KCNJ6: variants seen among roughly 807,000 people sequenced by gnomAD.
KCNJ6 encodes the protein G protein-activated inward rectifier potassium channel 2.
KCNJ6 carries 9 observed loss-of-function variants against 34.2 expected under a neutral mutation model. That is an observed-to-expected ratio of 0.26 (90% CI 0.16 to 0.46). KCNJ6 has a LOEUF of 0.46. Ranked by LOEUF, KCNJ6 falls within the 20% of genes least tolerant of loss-of-function variation. KCNJ6 has a pLI of 1.00. For synonymous variants in KCNJ6, 196 were observed against 207.1 expected, an observed-to-expected ratio of 0.95 and a Z score of 0.46; for missense variants, 236 against 531.3, an observed-to-expected ratio of 0.44 and a Z score of 5.46.
intron 2 of KCNJ6, among the ~76,000 whole-genome samples, chr21:37,789,067 T>C (rs913301886): frequency 2.0e-5 from 3 of 152,228 alleles, no homozygotes; most frequent in African/African-American, 7.2e-5. Context: ...CTTCCAAGTC[T>C]TCCTTGCAGC....
At position 37,886,824 on chromosome 21, in the gene KCNJ6, A is replaced by G. The variant is rs189655271; in HGVS notation, c.-28+29060T>C. Among the ~76,000 whole-genome samples the G allele has an allele frequency of 2.7e-3, 418 of 152,156 alleles. 1 individual carries two copies. Among genetic ancestry groups the G allele is most frequent in the Non-Finnish European group, 4.9e-3 (333 of 68,014 alleles). On this transcript the variant is annotated intron_variant, in intron 1 of 3. Transcript: ENST00000609713. The stretch of plus-strand genomic sequence containing the variant: ...AGGGCTGGAATCGTGACTTTCAGGT[A>G]TCTTTTCCCCAGCCCCTAGCAGTTT...
At chr21:37,797,539 C>T (rs944003243) in intron 2 of KCNJ6, among the ~76,000 whole-genome samples, 1 of 152,084 alleles carries the variant, frequency 6.6e-6, no homozygotes, top group East Asian at 1.9e-4. Flanking sequence ...ATTATAACAC[C>T]AATGAAAACA....
rs772060420 is a variant in KCNJ6 at position 37,863,846 on chromosome 21, G to GTT, written c.-27-23139_-27-23138dup. On this transcript the variant is annotated intron_variant, in intron 1 of 3. Transcript: ENST00000609713. ...CTTTAAGCAATTTTAAAATATAAAG[G>GTT]TTTTTTTTTTTTTGTTTTTTTTTTT... Among the ~76,000 whole-genome samples the GTT allele has an allele frequency of 8.7e-3, 838 of 96,842 alleles. 111 individuals are homozygous for GTT. The highest frequency in any genetic ancestry group is 0.012 in the African/African-American group (284 of 23,046). The allele number at this position is 96,842 out of a possible 152,430, so 63.5% of individuals were successfully genotyped here.
At chr21:37,857,044 G>A (rs542550307) in intron 1 of KCNJ6, among the ~76,000 whole-genome samples, 52 of 152,252 alleles carry the variant, frequency 3.4e-4, no homozygotes, top group Admixed American at 1.6e-3. Context: ...AAATCTCTGC[G>A]GATAAAAGTA....
chr21:37,679,133 C>G (rs145565399), intron 3 of KCNJ6, among the ~76,000 whole-genome samples: 1 of 152,208 alleles, frequency 6.6e-6, no homozygotes, highest in South Asian at 2.1e-4. Context: ...CTCCTGTCAA[C>G]AGCCATATTA....
chr21:37,809,388 G>C (rs188587432), intron 2 of KCNJ6, among the ~76,000 whole-genome samples: 3 of 151,780 alleles, frequency 2.0e-5, no homozygotes, highest in Non-Finnish European at 2.9e-5. Context: ...GGTGGGGAGA[G>C]GGGGGAGGGA....
chr21:37,815,099 GCTTACCAGA>G (rs2055340532), intron 2 of KCNJ6, among the ~76,000 whole-genome samples: 1 of 152,042 alleles, frequency 6.6e-6, no homozygotes. Flanking sequence ...AGAGTAGGAT[GCTTACCAGA>G]GACTGGGGAG....
chr21:37,846,037 A>G (rs1387091076), intron 1 of KCNJ6, among the ~76,000 whole-genome samples: 11 of 152,140 alleles, frequency 7.2e-5, no homozygotes, highest in Admixed American at 7.2e-4. Flanking sequence ...AAAAAAAACA[A>G]CGTTAAGTGT....
Position 37,617,031 on chromosome 21 carries a change from T to C in KCNJ6, c.*8128A>G. Reference sequence around the variant, plus strand: ...TTTTCTCTTTCTTTCTTTCTTTCTTTCTTTCTTTCTTTCTTTCTTTCTTTT... The same window carrying C: ...TTTTCTCTTTCTTTCTTTCTTTCTTCCTTTCTTTCTTTCTTTCTTTCTTTT... On this transcript the variant is annotated 3_prime_UTR_variant, in exon 4 of 4. Coordinates refer to ENST00000609713, the MANE Select transcript of KCNJ6 (RefSeq NM_002240.5). 7.4e-5 allele frequency: 1 copy of C among 13,536 alleles called. No individual in the cohort carries two copies. Among genetic ancestry groups the C allele is most frequent in the South Asian group, 4.2e-3 (1 of 240 alleles). The allele number at this position is 13,536 out of a possible 1,614,324, so 0.8% of individuals were successfully genotyped here.
intron 2 of KCNJ6, among the ~76,000 whole-genome samples, chr21:37,837,015 A>C (rs774951506): frequency 4.0e-5 from 6 of 149,050 alleles, no homozygotes; most frequent in Non-Finnish European, 7.5e-5. Flanking sequence ...ATCTCTCCCT[A>C]CCTCCTCTCC....
rs370515131 is a variant in KCNJ6 at position 37,608,453 on chromosome 21, T to G, written c.*16706A>C. The G allele has an allele frequency of 3.8e-4, 58 of 152,336 alleles. No homozygotes were observed. Among genetic ancestry groups the G allele is most frequent in the African/African-American group, 1.2e-3 (51 of 41,586 alleles). The allele number at this position is 152,336 out of a possible 1,614,324, so 9.4% of individuals were successfully genotyped here. ...AATTACAGGCATGAACCATTGTGCT[T>G]GCCTGCCCTTGGATCTCTGTCTCCA... On this transcript the variant is annotated 3_prime_UTR_variant, in exon 4 of 4. Coordinates refer to ENST00000609713, the MANE Select transcript of KCNJ6 (RefSeq NM_002240.5).
chr21:37,693,174 G>A (rs1046532856), intron 3 of KCNJ6, among the ~76,000 whole-genome samples: 1 of 152,116 alleles, frequency 6.6e-6, no homozygotes, highest in African/African-American at 2.4e-5. Context: ...TTAATTTTTC[G>A]AGATAGATGG....
chr21:37,790,644 T>C (rs2055212461), intron 2 of KCNJ6, among the ~76,000 whole-genome samples: 2 of 152,154 alleles, frequency 1.3e-5, no homozygotes, highest in Non-Finnish European at 2.9e-5. Flanking sequence ...AACCAATCGA[T>C]TTAGAACCAG....
rs1437912975 is a variant in KCNJ6, at chr21:37,617,065, TTCTTTTCTTTTC to T, written c.*8082_*8093del. On this transcript the variant is annotated 3_prime_UTR_variant, in exon 4 of 4. Transcript: ENST00000609713. ...CTTTCTTTCTTTCTTTTCTTTTCTT[TTCTTTTCTTTTC>T]TTTCTTTTTCTTTCTTTCTTTTCTT... 1 of 125,398 alleles carries T rather than the reference TTCTTTTCTTTTC, an allele frequency of 8.0e-6. No homozygotes were observed. Among genetic ancestry groups the T allele is most frequent in the Non-Finnish European group, 1.8e-5 (1 of 54,810 alleles). The allele number at this position is 125,398 out of a possible 1,614,324, so 7.8% of individuals were successfully genotyped here.
In KCNJ6 at chr21:37,634,993, G is replaced by A. The variant is rs576981552; in HGVS notation, c.947-9509C>T. Among the ~76,000 whole-genome samples the A allele has an allele frequency of 1.7e-3, 263 of 152,158 alleles. 1 individual carries two copies. Among genetic ancestry groups the A allele is most frequent in the African/African-American group, 6.1e-3 (255 of 41,516 alleles). The stretch of plus-strand genomic sequence containing the variant: ...GCTGGTCTCGAACTCCTGGCCTCAA[G>A]TGATCTGCCCACCTTGGCCTCCCAA... On this transcript the variant is annotated intron_variant, in intron 3 of 3. Coordinates refer to ENST00000609713, the MANE Select transcript of KCNJ6 (RefSeq NM_002240.5).
rs374784492 is a variant in KCNJ6, at chr21:37,645,492, G to A, written c.947-20008C>T. The stretch of plus-strand genomic sequence containing the variant: ...TTTATCGAAGCAACCACATCTTCTC[G>A]TGGGTCATCTAATGAAGGCAGTCTT... On this transcript the variant is annotated intron_variant, in intron 3 of 3. Transcript: ENST00000609713. Among the ~76,000 whole-genome samples the A allele has an allele frequency of 1.8e-4, 28 of 152,288 alleles. No homozygotes were observed. In the South Asian group the frequency reaches 4.6e-3, roughly 25 times the overall value.
chr21:37,818,869 TGTA>T (rs1278523683), intron 2 of KCNJ6, among the ~76,000 whole-genome samples: 1 of 152,124 alleles, frequency 6.6e-6, no homozygotes, highest in African/African-American at 2.4e-5. Context: ...GCAAAACAGG[TGTA>T]GATCTTGCTG....
intron 2 of KCNJ6, among the ~76,000 whole-genome samples, chr21:37,735,003 G>A (rs1355209263): frequency 1.3e-5 from 2 of 152,058 alleles, no homozygotes; most frequent in Admixed American, 6.5e-5. Context: ...TTCACGATTC[G>A]CTCAGGGCCA....
intron 2 of KCNJ6, among the ~76,000 whole-genome samples, chr21:37,806,869 T>G (rs2055296018): frequency 1.3e-5 from 2 of 152,264 alleles, no homozygotes; most frequent in African/African-American, 4.8e-5. Flanking sequence ...AGGAATTTTT[T>G]GCATTCAGTT....
Sources: allele counts gnomAD v4.1 joint callset (sites outside exome capture counted in the v4.1 genomes callset), GRCh38; gene constraint gnomAD v4.1.1; transcripts MANE v1.5; gene names NCBI Gene and HGNC (gene_info 2026-07-23, HGNC 2026-07-21).